Variants in TRIOBP observed in about 807,000 individuals in gnomAD.
TRIOBP encodes TRIO and F-actin binding protein.
In TRIOBP, 169 loss-of-function variants were observed where a neutral mutation model predicts 238.8. The ratio of observed to expected loss-of-function variants is 0.71; its 90% CI spans 0.62 to 0.80. TRIOBP has a LOEUF of 0.80. Ranked by LOEUF, TRIOBP falls within the 30% of genes least tolerant of loss-of-function variation. TRIOBP has a pLI of 0.00. For synonymous variants in TRIOBP, 1,150 were observed against 1,274.4 expected, an observed-to-expected ratio of 0.90 and a Z score of 2.08; for missense variants, 2,838 against 3,122.6, an observed-to-expected ratio of 0.91 and a Z score of 2.17.
intron 7 of TRIOBP, among the ~76,000 whole-genome samples, chr22:37,731,306 T>G (rs1350688056): frequency 6.6e-6 from 1 of 151,886 alleles, no homozygotes; most frequent in African/African-American, 2.4e-5. Context: ...CTCGGCTCAT[T>G]AAAAAAATTT....
chr22:37,740,334 A>T (rs1289987913), intron 10 of TRIOBP, among the ~76,000 whole-genome samples: 1 of 152,162 alleles, frequency 6.6e-6, no homozygotes, highest in Non-Finnish European at 1.5e-5. Flanking sequence ...GGGCTCTGCT[A>T]GGAATGTGTG....
rs530724238 is a variant in TRIOBP at position 37,714,552 on chromosome 22, C to T, written c.456+1141C>T. Among the ~76,000 whole-genome samples, 4 of 152,144 alleles carry T rather than the reference C, an allele frequency of 2.6e-5. No homozygotes were observed. In the South Asian group the frequency reaches 8.3e-4, roughly 32 times the overall value. On this transcript the variant is annotated intron_variant, in intron 5 of 23. Coordinates refer to ENST00000644935, the MANE Select transcript of TRIOBP (RefSeq NM_001039141.3). ...GGTGTGGTGGTGGGCACCTGTAATC[C>T]CAGCTACTTGGGAGGCTGAGACAGG...
Position 37,757,959 on chromosome 22 carries a change from GC to G in TRIOBP, c.6040del (p.Leu2014Ter), listed in dbSNP as rs1569058232. 3 of 1,569,418 alleles carry G rather than the reference GC, an allele frequency of 1.9e-6. No homozygotes were observed. Among genetic ancestry groups the G allele is most frequent in the Non-Finnish European group, 1.7e-6 (2 of 1,158,102 alleles). On this transcript the variant is annotated frameshift_variant, in exon 16 of 24. Transcript: ENST00000644935. LOFTEE classifies it high-confidence loss of function. ...AGEGPRRGLG[A>X]PLTEDQQNRL... ...TGAGGGGCCGCGCCGGGGCCTGGGT[GC>G]CCCCCTGACTGAGGACCAGCAAAAC...
intron 21 of TRIOBP, among the ~76,000 whole-genome samples, chr22:37,769,831 C>T (rs925109960): frequency 1.4e-4 from 21 of 151,852 alleles, no homozygotes; most frequent in African/African-American, 4.6e-4. Context: ...CTGGTTCAAG[C>T]GATTCTCCTG....
At chr22:37,710,618 AC>A (rs1341870921) in intron 4 of TRIOBP, 52 bp downstream of exon 4, 2 of 1,575,052 alleles carry the variant, frequency 1.3e-6, no homozygotes, top group South Asian at 1.1e-5. Flanking sequence ...GAATGCCCTC[AC>A]CCTTCCCATT....
chr22:37,770,857 T>C (rs943551993), intron 21 of TRIOBP, among the ~76,000 whole-genome samples: 4 of 152,012 alleles, frequency 2.6e-5, no homozygotes, highest in African/African-American at 9.7e-5. Flanking sequence ...TAATTTTTTG[T>C]ATTTTTAGTA....
At chr22:37,710,393 G>A (rs764436495) in intron 3 of TRIOBP, 34 bp from the exon 4 acceptor site, 8 of 1,611,576 alleles carry the variant, frequency 5.0e-6, no homozygotes, top group Non-Finnish European at 6.8e-6. Flanking sequence ...CCACGTGGGC[G>A]CTGAGCTGTC....
chr22:37,774,312 T>C lies in TRIOBP; in HGVS notation c.*532T>C. 1 of 152,428 alleles carries C rather than the reference T, an allele frequency of 6.6e-6. No individual in the cohort carries two copies. 9.4% of individuals were successfully genotyped at this position (152,428 alleles called of 1,614,324 possible). On this transcript the variant is annotated 3_prime_UTR_variant, in exon 24 of 24. Transcript: ENST00000644935. ...AGGCGGGAGCCTGCCACCCTCTTCCTGCCCTACCTCCTACTAACACTTCCT... is the reference window on the plus strand; with the variant it reads ...AGGCGGGAGCCTGCCACCCTCTTCCCGCCCTACCTCCTACTAACACTTCCT...
At chr22:37,717,813 T>C (rs1354535260) in intron 6 of TRIOBP, among the ~76,000 whole-genome samples, 1 of 152,194 alleles carries the variant, frequency 6.6e-6, no homozygotes, top group African/African-American at 2.4e-5. Context: ...CAGGTGGAGC[T>C]GCCTGCCAGT....
At chr22:37,748,225 A>C (rs1241127671) in intron 11 of TRIOBP, among the ~76,000 whole-genome samples, 1 of 152,108 alleles carries the variant, frequency 6.6e-6, no homozygotes, top group Non-Finnish European at 1.5e-5. Context: ...CATTGAGTTC[A>C]TCCTGGCTGC....
At position 37,724,703 on chromosome 22, in the gene TRIOBP, A is replaced by G; in HGVS notation, c.2147A>G (p.Gln716Arg). 6.2e-7 allele frequency: 1 copy of G among 1,605,444 alleles called. No individual in the cohort carries two copies. Among genetic ancestry groups the G allele is most frequent in the Non-Finnish European group, 8.5e-7 (1 of 1,177,422 alleles). The change falls in exon 7 of 24, where the codon CAA becomes CGA. Residue 716 changes from glutamine to arginine, a missense_variant. Around this residue, in one of 5 missense-constraint regions of TRIOBP, gnomAD observed 167 missense variants for 200.2 expected, o/e 0.83. Coordinates refer to ENST00000644935, the MANE Select transcript of TRIOBP (RefSeq NM_001039141.3). ...PRASSPNRTT[Q>R]QENPRTSCAR... ...GCCTCCTCTCCTAACAGAACCACCCAACAAGAGAACCCCAGAACATCCTGT... is the reference window on the plus strand; with the variant it reads ...GCCTCCTCTCCTAACAGAACCACCCGACAAGAGAACCCCAGAACATCCTGT...
intron 11 of TRIOBP, among the ~76,000 whole-genome samples, chr22:37,741,889 G>C (rs1924950609): frequency 6.6e-6 from 1 of 152,210 alleles, no homozygotes; most frequent in African/African-American, 2.4e-5. Context: ...GAGGGCTCAG[G>C]GAGATCAGGA....
At chr22:37,756,089 C>G (rs1226792577) in intron 15 of TRIOBP, among the ~76,000 whole-genome samples, 4 of 152,174 alleles carry the variant, frequency 2.6e-5, no homozygotes, top group Admixed American at 6.5e-5. Context: ...AGTGGCAGAG[C>G]CCCCCACAGT....
chr22:37,753,006 C>G (rs1420606232), intron 12 of TRIOBP, among the ~76,000 whole-genome samples: 2 of 152,210 alleles, frequency 1.3e-5, no homozygotes. Flanking sequence ...CTCAGACAGT[C>G]ATAGGCTAGG....
chr22:37,759,302 G>C, intron 17 of TRIOBP, 38 bp downstream of exon 17: 1 of 1,591,034 alleles, frequency 6.3e-7, no homozygotes, highest in African/African-American at 1.3e-5. Context: ...GGAGGGGGCA[G>C]ATTTCTGCTT....
intron 12 of TRIOBP, 82 bp downstream of exon 12, chr22:37,751,910 C>A: frequency 3.3e-6 from 2 of 611,048 alleles, no homozygotes; most frequent in Non-Finnish European, 5.3e-6. Flanking sequence ...GGGGGTGGGG[C>A]TGGGGCTGGT....
chr22:37,750,204 C>A (rs1224907320), intron 11 of TRIOBP, among the ~76,000 whole-genome samples: 1 of 152,220 alleles, frequency 6.6e-6, no homozygotes, highest in East Asian at 1.9e-4. Flanking sequence ...TCCCAGGCAG[C>A]CCTAGAGGTT....
intron 7 of TRIOBP, 99 bp downstream of exon 7, chr22:37,726,602 C>T: frequency 8.0e-7 from 1 of 1,244,252 alleles, no homozygotes; most frequent in East Asian, 2.9e-5. Context: ...TTCAAATCCC[C>T]CTGGCTTGCC....
chr22:37,765,132 T>C (rs1016936223), intron 17 of TRIOBP, among the ~76,000 whole-genome samples: 4 of 152,040 alleles, frequency 2.6e-5, no homozygotes, highest in South Asian at 2.1e-4. Flanking sequence ...AATACAAAAA[T>C]TAGCTGGGCG....
Sources: gnomAD v4.1 joint callset for allele counts (sites outside exome capture counted in the v4.1 genomes callset) on GRCh38, gnomAD v4.1.1 for gene constraint, gnomAD v4.1.1 regional missense constraint, MANE v1.5 for transcripts, NCBI Gene and HGNC (gene_info 2026-07-23, HGNC 2026-07-21) for gene names.